The following TSPAN10 variants were observed in gnomAD, a reference collection of about 807,000 sequenced individuals.
TSPAN10 encodes the protein tetraspanin 10.
Under a neutral mutation model 15.0 loss-of-function variants are expected in TSPAN10, and 11 were observed. That is an observed-to-expected ratio of 0.73 (90% CI 0.46 to 1.21). The LOEUF is 1.21. Among genes scored for constraint, TSPAN10 ranks in the 50% most tolerant of loss-of-function variants. TSPAN10 has a pLI of 0.00. For missense variants in TSPAN10, 486 were observed against 470.6 expected, an observed-to-expected ratio of 1.03 and a Z score of -0.30; for synonymous variants, 241 against 226.2, an observed-to-expected ratio of 1.07 and a Z score of -0.59.
At chr17:81,641,028 C>A (rs1379928071), upstream of TSPAN10, among the ~76,000 whole-genome samples, 2 of 151,928 alleles carry the variant, frequency 1.3e-5, no homozygotes, top group Admixed American at 6.6e-5. Flanking sequence ...CAAAATCAGT[C>A]AGGTGTGGCG....
chr17:81,644,186 T>C (rs1040447384), intron 1 of TSPAN10, among the ~76,000 whole-genome samples: 1 of 152,040 alleles, frequency 6.6e-6, no homozygotes, highest in African/African-American at 2.4e-5. Context: ...AAAAAAACTC[T>C]TCCCGGCAGA....
At chr17:81,637,561 A>C (rs1437889593), upstream of TSPAN10, 5 of 560,884 alleles carry the variant, frequency 8.9e-6, no homozygotes, top group Middle Eastern at 3.1e-4. Flanking sequence ...CATTTTGGGA[A>C]GCCAAGGTGG....
At position 81,644,702 on chromosome 17, in the gene TSPAN10, G is replaced by A. The variant is rs563416700; in HGVS notation, c.37-290G>A. ...GGGTGTGTTCACTGAGCACCGCCCT[G>A]CTTGGTCTTCACCACAGCCTTTCAG... is the stretch of plus-strand genomic sequence containing the variant. On this transcript the variant is annotated intron_variant, in intron 1 of 2. Transcript: ENST00000611590. Among the ~76,000 whole-genome samples, 18 of 152,334 alleles carry A rather than the reference G, an allele frequency of 1.2e-4. No individual in the cohort carries two copies. In the South Asian group the frequency reaches 3.7e-3, roughly 32 times the overall value.
In TSPAN10 at chr17:81,645,754, C is replaced by T. The variant is rs2036244286; in HGVS notation, c.674+125C>T. ...TCGTGCATGCCCACATGCATGCACACGTATACCCACATGTACACGCATATC... is the reference window on the plus strand; with the variant it reads ...TCGTGCATGCCCACATGCATGCACATGTATACCCACATGTACACGCATATC... On this transcript the variant is annotated intron_variant, in intron 2 of 2. Transcript: ENST00000611590. 8.9e-6 allele frequency: 11 copies of T among 1,232,022 alleles called. No homozygotes were observed. In the Admixed American group the frequency reaches 1.2e-4, roughly 14 times the overall value. The allele number at this position is 1,232,022 out of a possible 1,614,324, so 76.3% of individuals were successfully genotyped here.
chr17:81,644,672 G>T (rs1420663755), intron 1 of TSPAN10, among the ~76,000 whole-genome samples: 2 of 152,208 alleles, frequency 1.3e-5, no homozygotes, highest in African/African-American at 2.4e-5. Context: ...GGACCAGGAG[G>T]GAGTGGGTGT....
At chr17:81,643,601 A>T (rs2036202817) in intron 1 of TSPAN10, among the ~76,000 whole-genome samples, 1 of 29,392 alleles carries the variant, frequency 3.4e-5, no homozygotes, top group Non-Finnish European at 4.9e-5. Context: ...ACAGAGCGAG[A>T]CTCCGTCTCA....
At chr17:81,638,618 G>C (rs1421879702), upstream of TSPAN10, 2 of 152,316 alleles carry the variant, frequency 1.3e-5, no homozygotes, top group African/African-American at 4.8e-5. Context: ...CGGTTTTAAG[G>C]ATAATTTGGT....
Position 81,643,393 on chromosome 17 carries a change from C to T in TSPAN10, c.36+945C>T, listed in dbSNP as rs1173552637. On this transcript the variant is annotated intron_variant, in intron 1 of 2. Transcript: ENST00000611590. Reference sequence around the variant, plus strand: ...TTGGGAGGCCGAGGCGGGCGGATCACGAGGTTAGGAGATCGAGACCATCCC... The same window carrying T: ...TTGGGAGGCCGAGGCGGGCGGATCATGAGGTTAGGAGATCGAGACCATCCC... Among the ~76,000 whole-genome samples the T allele has an allele frequency of 1.2e-4, 5 of 40,222 alleles. 1 individual carries two copies. Among genetic ancestry groups the T allele is most frequent in the Admixed American group, 3.6e-4 (1 of 2,816 alleles). The allele number at this position is 40,222 out of a possible 152,430, so 26.4% of individuals were successfully genotyped here.
exon 1 of TSPAN10, chr17:81,637,232 G>T: frequency 1.7e-5 from 8 of 482,772 alleles, no homozygotes; most frequent in East Asian, 6.9e-5. Flanking sequence ...AGGGGATTTT[G>T]GAAAGTTGCG....
chr17:81,637,210 T>C (rs2036896747), exon 1 of TSPAN10: 2 of 459,618 alleles, frequency 4.4e-6, no homozygotes, highest in Non-Finnish European at 7.8e-6. Flanking sequence ...CCGCCATCCC[T>C]GCAACTGGAG....
At chr17:81,641,818 AGTGAGCCGAGATTGCG>A (rs766952415), upstream of TSPAN10, among the ~76,000 whole-genome samples, 9 of 41,518 alleles carry the variant, frequency 2.2e-4, no homozygotes, top group African/African-American at 1.5e-3. Context: ...GCGAGGTTGC[AGTGAGCCGAGATTGCG>A]CCATTGCACT....
upstream of TSPAN10, chr17:81,642,410 A>G (rs758679591): frequency 1.2e-6 from 2 of 1,613,452 alleles, no homozygotes; most frequent in South Asian, 2.2e-5. Context: ...TCCAGCGTCA[A>G]GGATGGAGGA....
upstream of TSPAN10, chr17:81,637,427 A>G (rs896692327): frequency 8.6e-6 from 6 of 696,140 alleles, no homozygotes; most frequent in Non-Finnish European, 5.2e-6. Context: ...AAACAATTTC[A>G]GGAAGGCAGG....
downstream of TSPAN10, chr17:81,648,577 C>T (rs2036294091): frequency 7.4e-6 from 2 of 271,126 alleles, no homozygotes; most frequent in Admixed American, 1.1e-4. Flanking sequence ...CACTCCCACC[C>T]CAGCCGCACA....
At chr17:81,648,033 A>G in exon 3 of TSPAN10, 5 of 1,601,554 alleles carry the variant, frequency 3.1e-6, no homozygotes, top group Non-Finnish European at 4.3e-6. Flanking sequence ...ATGCGGACGC[A>G]GCTCAGAGAG....
chr17:81,648,206 A>G, exon 3 of TSPAN10: 1 of 1,372,390 alleles, frequency 7.3e-7, no homozygotes, highest in Non-Finnish European at 9.3e-7. Context: ...GGGGCGGCGT[A>G]CGGCCCCGGA....
upstream of TSPAN10, among the ~76,000 whole-genome samples, chr17:81,641,982 G>A (rs2036182397): frequency 6.6e-6 from 1 of 152,140 alleles, no homozygotes; most frequent in South Asian, 2.1e-4. Context: ...GGGTCTCTTG[G>A]GATTGGGGTT....
At chr17:81,641,341 G>A (rs146692289), upstream of TSPAN10, among the ~76,000 whole-genome samples, 23 of 152,022 alleles carry the variant, frequency 1.5e-4, no homozygotes, top group African/African-American at 2.4e-4. Context: ...TCTGGTCCTC[G>A]CCCCGACTTC....
chr17:81,638,693 A>C (rs2144369571), upstream of TSPAN10: 1 of 152,380 alleles, frequency 6.6e-6, no homozygotes, highest in South Asian at 2.1e-4. Context: ...ATAGGGAGTC[A>C]AAACTGTCCT....
Sources: allele counts gnomAD v4.1 joint callset (sites outside exome capture counted in the v4.1 genomes callset), GRCh38; gene constraint gnomAD v4.1.1; transcripts MANE v1.5; gene names NCBI Gene and HGNC (gene_info 2026-07-23, HGNC 2026-07-21).